CACNA2D2: variants seen among roughly 807,000 people sequenced by gnomAD.
CACNA2D2 encodes the protein calcium voltage-gated channel auxiliary subunit alpha2delta 2, also known as voltage-dependent calcium channel subunit alpha-2/delta-2.
Under a neutral mutation model 166.4 loss-of-function variants are expected in CACNA2D2, and 48 were observed. The ratio of observed to expected loss-of-function variants is 0.29; its 90% CI spans 0.23 to 0.37. The LOEUF (loss-of-function observed/expected upper bound fraction) is 0.37. Among genes scored for constraint, CACNA2D2 ranks in the 10% least tolerant of loss-of-function variants. CACNA2D2 has a pLI of 1.00. For synonymous variants in CACNA2D2, 561 were observed against 573.7 expected, an observed-to-expected ratio of 0.98 and a Z score of 0.32; for missense variants, 1,122 against 1,433.0, an observed-to-expected ratio of 0.78 and a Z score of 3.50.
At chr3:50,500,634 TC>T (rs979266844) in intron 1 of CACNA2D2, among the ~76,000 whole-genome samples, 1 of 151,310 alleles carries the variant, frequency 6.6e-6, no homozygotes, top group Non-Finnish European at 1.5e-5. Context: ...CGGACTCAGG[TC>T]CCCCACACCC....
At position 50,366,698 on chromosome 3, in the gene CACNA2D2, G is replaced by T; in HGVS notation, c.2590-73C>A. The T allele has an allele frequency of 6.3e-7, 1 of 1,592,456 alleles. No individual in the cohort carries two copies. The highest frequency in any genetic ancestry group is 8.6e-7 in the Non-Finnish European group (1 of 1,161,836). On this transcript the variant is annotated intron_variant, in intron 29 of 37. Coordinates refer to ENST00000424201, the MANE Select transcript of CACNA2D2 (RefSeq NM_006030.4). The surrounding 1 kb of genome is among the most constrained non-coding windows in gnomAD (Gnocchi z 5.9). ...CCTCCCATCACCTTTCATACATCCG[G>T]TTCCCCAGGCCATCTGCAGCTGGCC... is the stretch of plus-strand genomic sequence containing the variant.
intron 1 of CACNA2D2, among the ~76,000 whole-genome samples, chr3:50,481,159 C>CA: frequency 6.6e-6 from 1 of 152,084 alleles, no homozygotes; most frequent in East Asian, 1.9e-4. Flanking sequence ...GGTTCACCCT[C>CA]AGAGGGCACG....
intron 2 of CACNA2D2, among the ~76,000 whole-genome samples, chr3:50,446,688 G>A (rs1015200559): frequency 1.3e-5 from 2 of 152,200 alleles, no homozygotes; most frequent in African/African-American, 4.8e-5. Context: ...ACAGTTGGGT[G>A]AACCCTCCCA....
rs563005573 is a variant in CACNA2D2 at position 50,407,103 on chromosome 3, T to C, written c.406-12935A>G. Among the ~76,000 whole-genome samples the C allele has an allele frequency of 3.4e-3, 519 of 151,882 alleles. 3 individuals carry two copies. Among genetic ancestry groups the C allele is most frequent in the Non-Finnish European group, 5.6e-3 (379 of 68,016 alleles). ...CATGGAGAACTGGCCCTGGGCACTC[T>C]TACTAAACACACCACAGGCAGGGTC... On this transcript the variant is annotated intron_variant, in intron 3 of 37. Coordinates refer to ENST00000424201, the MANE Select transcript of CACNA2D2 (RefSeq NM_006030.4).
intron 5 of CACNA2D2, among the ~76,000 whole-genome samples, chr3:50,385,355 C>A (rs1019614139): frequency 6.6e-6 from 1 of 152,168 alleles, no homozygotes; most frequent in Admixed American, 6.5e-5. Flanking sequence ...CTCACTGCCC[C>A]TCAAAGCCTC....
intron 3 of CACNA2D2, among the ~76,000 whole-genome samples, chr3:50,425,521 G>A: frequency 6.6e-6 from 1 of 152,134 alleles, no homozygotes; most frequent in Non-Finnish European, 1.5e-5. Context: ...CTGGCCACCG[G>A]CTCGCCCTTC....
chr3:50,363,231 C>T lies in CACNA2D2; in HGVS notation c.*1435G>A. The T allele has an allele frequency of 2.5e-6, 1 of 398,916 alleles. No individual in the cohort carries two copies. Among genetic ancestry groups the T allele is most frequent in the Non-Finnish European group, 4.4e-6 (1 of 226,078 alleles). 24.7% of individuals were successfully genotyped at this position (398,916 alleles called of 1,614,324 possible). A position where few individuals can be genotyped will look rare whatever the true frequency, so the allele number is the denominator to read the frequency against. ...TCCAGGCCGGGTGCACATGGACACC[C>T]ACCCTGGCACCAGCAGTGGGCATGG... On this transcript the variant is annotated 3_prime_UTR_variant, in exon 38 of 38. Coordinates refer to ENST00000424201, the MANE Select transcript of CACNA2D2 (RefSeq NM_006030.4).
At chr3:50,456,337 G>A (rs575162194) in intron 2 of CACNA2D2, among the ~76,000 whole-genome samples, 10 of 152,298 alleles carry the variant, frequency 6.6e-5, no homozygotes, top group African/African-American at 2.4e-4. Context: ...GGGGAGGGGA[G>A]AGGCTCACAC....
At position 50,366,187 on chromosome 3, in the gene CACNA2D2, T is replaced by C. The variant is rs761421365; in HGVS notation, c.2710-24A>G. ...ACCTGAGGATGTCAGGAGAAAGCCATGGTCACAGGGCTGGCAGTGCTACAC... is the reference window on the plus strand; with the variant it reads ...ACCTGAGGATGTCAGGAGAAAGCCACGGTCACAGGGCTGGCAGTGCTACAC... On this transcript the variant is annotated intron_variant, in intron 31 of 37. Coordinates refer to ENST00000424201, the MANE Select transcript of CACNA2D2 (RefSeq NM_006030.4). The surrounding 1 kb of genome is among the most constrained non-coding windows in gnomAD (Gnocchi z 5.9). 1.9e-6 allele frequency: 3 copies of C among 1,613,940 alleles called. No individual in the cohort carries two copies. The highest frequency in any genetic ancestry group is 2.5e-6 in the Non-Finnish European group (3 of 1,179,918).
In CACNA2D2 at chr3:50,366,782, C is replaced by A; in HGVS notation, c.2589+49G>T. 1 of 1,590,142 alleles carries A rather than the reference C, an allele frequency of 6.3e-7. No individual in the cohort carries two copies. The highest frequency in any genetic ancestry group is 1.1e-5 in the South Asian group (1 of 89,702). On this transcript the variant is annotated intron_variant, in intron 29 of 37. Coordinates refer to ENST00000424201, the MANE Select transcript of CACNA2D2 (RefSeq NM_006030.4). This position sits in a 1 kb window ranked among gnomAD's most constrained non-coding sequence, Gnocchi z 5.9. Reference sequence around the variant, plus strand: ...GAGGGTTGGTGGGGGTTCCAGGGGACTCCAGGAAGGGCACTGCTGGGTTAC... The same window carrying A: ...GAGGGTTGGTGGGGGTTCCAGGGGAATCCAGGAAGGGCACTGCTGGGTTAC...
intron 23 of CACNA2D2, 87 bp from the exon 24 acceptor site, chr3:50,368,322 A>G (rs977659061): frequency 1.2e-6 from 1 of 822,588 alleles, no homozygotes; most frequent in Non-Finnish European, 2.1e-6. Context: ...CCACTTGGCC[A>G]TTCACTGAGA....
chr3:50,441,511 C>T (rs1708598371), intron 2 of CACNA2D2, among the ~76,000 whole-genome samples: 1 of 152,226 alleles, frequency 6.6e-6, no homozygotes, highest in African/African-American at 2.4e-5. Context: ...CAAATCCTCC[C>T]AGCCAAGCAA....
In CACNA2D2 at chr3:50,365,924, T is replaced by C; in HGVS notation, c.2863-62A>G. The C allele has an allele frequency of 6.2e-7, 1 of 1,612,158 alleles. No individual in the cohort carries two copies. The highest frequency in any genetic ancestry group is 8.5e-7 in the Non-Finnish European group (1 of 1,179,462). On this transcript the variant is annotated intron_variant, in intron 32 of 37. Transcript: ENST00000424201. The surrounding 1 kb of genome is among the most constrained non-coding windows in gnomAD (Gnocchi z 4.5). Reference sequence around the variant, plus strand: ...CCCCTCGCCCTAGGTCACCCCCAGCTTTATCAAATGTCAGAGGTAGGGGGT... The same window carrying C: ...CCCCTCGCCCTAGGTCACCCCCAGCCTTATCAAATGTCAGAGGTAGGGGGT...
chr3:50,375,321 A>T lies in CACNA2D2; in HGVS notation c.1907+323T>A, dbSNP rs1704913580. 6.6e-6 allele frequency among the ~76,000 whole-genome samples: 1 copy of T among 152,168 alleles called. No homozygotes were observed. On this transcript the variant is annotated intron_variant, in intron 21 of 37. Transcript: ENST00000424201. This position sits in a 1 kb window ranked among gnomAD's most constrained non-coding sequence, Gnocchi z 4.0. ...TGGACTAGCTGTGTGGGGCAGGCAG[A>T]GGTCAGCCTGCACTGACCCAGCCTG...
chr3:50,503,198 G>A lies in CACNA2D2; in HGVS notation c.206+20C>T. The A allele has an allele frequency of 8.5e-7, 1 of 1,180,094 alleles. No individual in the cohort carries two copies. Among genetic ancestry groups the A allele is most frequent in the Non-Finnish European group, 1.0e-6 (1 of 952,640 alleles). The allele number at this position is 1,180,094 out of a possible 1,614,324, so 73.1% of individuals were successfully genotyped here. On this transcript the variant is annotated intron_variant, in intron 1 of 37. Coordinates refer to ENST00000424201, the MANE Select transcript of CACNA2D2 (RefSeq NM_006030.4). ...GCGCAAGGCTCGGCCGGGGTCTCGC[G>A]GCCGGCCGAGGCCACTTACGTGTGC...
intron 2 of CACNA2D2, among the ~76,000 whole-genome samples, chr3:50,470,789 C>A (rs982493206): frequency 2.0e-5 from 3 of 151,816 alleles, no homozygotes; most frequent in Non-Finnish European, 4.4e-5. Context: ...TTGGGGGGGA[C>A]ACAGAGGGGG....
intron 2 of CACNA2D2, among the ~76,000 whole-genome samples, chr3:50,467,964 C>T (rs2236989): frequency 0.2 from 30,834 of 152,184 alleles, 3,796 homozygotes; most frequent in South Asian, 0.44. Context: ...CCCCTGGGGC[C>T]GGCTGTGGTT....
intron 2 of CACNA2D2, among the ~76,000 whole-genome samples, chr3:50,445,880 C>T (rs1708821751): frequency 1.3e-5 from 2 of 152,156 alleles, no homozygotes; most frequent in Admixed American, 1.3e-4. Context: ...TGAGCAGGCT[C>T]TGGCCCTTCT....
chr3:50,459,378 T>C (rs1331947676), intron 2 of CACNA2D2, among the ~76,000 whole-genome samples: 1 of 152,014 alleles, frequency 6.6e-6, no homozygotes, highest in African/African-American at 2.4e-5. Context: ...GGGTCCATTT[T>C]CTCTCTTTAA....
Sources: gnomAD v4.1 joint callset for allele counts (sites outside exome capture counted in the v4.1 genomes callset) on GRCh38, gnomAD v4.1.1 for gene constraint, Gnocchi (gnomAD v3.1) non-coding constraint, MANE v1.5 for transcripts, NCBI Gene and HGNC (gene_info 2026-07-23, HGNC 2026-07-21) for gene names.